The following MUSK variants were observed in gnomAD, a reference collection of about 807,000 sequenced individuals.
MUSK encodes the protein muscle, skeletal receptor tyrosine-protein kinase.
MUSK carries 55 observed loss-of-function variants against 88.7 expected under a neutral mutation model. The observed-to-expected ratio is 0.62, with a 90% CI of 0.50 to 0.78. The LOEUF (loss-of-function observed/expected upper bound fraction) is 0.78. MUSK is among the 30% of genes least tolerant of loss of function. The pLI is 0.00. For synonymous variants in MUSK, 387 were observed against 391.9 expected (o/e 0.99, Z 0.15); for missense variants, 1,015 against 1,074.3 (o/e 0.94, Z 0.77).
chr9:110,676,773 T>C (rs113679903), intron 1 of MUSK, among the ~76,000 whole-genome samples: 4,195 of 152,226 alleles, frequency 0.028, 195 homozygotes, highest in African/African-American at 0.096. Context: ...TGTATATGTA[T>C]CACATTTTCT....
chr9:110,714,401 T>C (rs1012301198), intron 5 of MUSK, among the ~76,000 whole-genome samples: 4 of 152,140 alleles, frequency 2.6e-5, no homozygotes, highest in Non-Finnish European at 4.4e-5. Flanking sequence ...TCCCACATCA[T>C]TGAGGCAGGC....
intron 14 of MUSK, among the ~76,000 whole-genome samples, chr9:110,798,556 C>G (rs1026564252): frequency 1.1e-4 from 17 of 152,140 alleles, no homozygotes; most frequent in African/African-American, 4.1e-4. Flanking sequence ...TATGCCCATC[C>G]ATCTATGCAT....
intron 5 of MUSK, chr9:110,728,663 T>C: frequency 6.7e-7 from 1 of 1,483,102 alleles, no homozygotes; most frequent in Non-Finnish European, 9.3e-7. Flanking sequence ...TGTGTGTGTT[T>C]GTTTTGTCTT....
intron 5 of MUSK, among the ~76,000 whole-genome samples, chr9:110,721,122 C>G (rs2076805664): frequency 6.6e-6 from 1 of 152,136 alleles, no homozygotes; most frequent in African/African-American, 2.4e-5. Context: ...GACAAACCCA[C>G]AGCCAACGTT....
At chr9:110,694,911 G>C (rs1291534511) in intron 3 of MUSK, among the ~76,000 whole-genome samples, 1 of 151,932 alleles carries the variant, frequency 6.6e-6, no homozygotes, top group Non-Finnish European at 1.5e-5. Flanking sequence ...ACTTTCTAGA[G>C]AATGAATGTA....
chr9:110,681,172 TA>T (rs2076131456), intron 1 of MUSK, among the ~76,000 whole-genome samples: 2 of 81,494 alleles, frequency 2.5e-5, no homozygotes, highest in Non-Finnish European at 4.8e-5. Context: ...AAAATTATTA[TA>T]ATATATATTA....
chr9:110,699,646 TGA>T (rs1173655169), intron 5 of MUSK, among the ~76,000 whole-genome samples: 1 of 151,974 alleles, frequency 6.6e-6, no homozygotes, highest in Non-Finnish European at 1.5e-5. Context: ...AAAAAGCAAC[TGA>T]GAAATGACTG....
intron 6 of MUSK, among the ~76,000 whole-genome samples, chr9:110,740,309 G>T (rs928124666): frequency 2.6e-5 from 4 of 152,046 alleles, no homozygotes; most frequent in African/African-American, 9.7e-5. Flanking sequence ...CAAGGTCAAG[G>T]TGCTATCAGG....
In MUSK at chr9:110,744,862, G is replaced by C. The variant is rs189878724; in HGVS notation, c.754-2779G>C. 2.6e-3 allele frequency among the ~76,000 whole-genome samples: 398 copies of C among 152,222 alleles called. 3 individuals carry two copies. Among genetic ancestry groups the C allele is most frequent in the Non-Finnish European group, 2.4e-3 (162 of 68,012 alleles). On this transcript the variant is annotated intron_variant, in intron 6 of 14. Coordinates refer to ENST00000374448, the MANE Select transcript of MUSK (RefSeq NM_005592.4). ...TCAATTAAGTAATCTGTTTTGCTTAGGCATACCTTGGTAAAAGCTCACAGT... is the reference window on the plus strand; with the variant it reads ...TCAATTAAGTAATCTGTTTTGCTTACGCATACCTTGGTAAAAGCTCACAGT...
chr9:110,762,092 TC>T, intron 7 of MUSK, 109 bp from the exon 8 acceptor site: 1 of 1,070,482 alleles, frequency 9.3e-7, no homozygotes, highest in Admixed American at 3.2e-5. Flanking sequence ...AACTTAGAGA[TC>T]AGTAGTATCA....
intron 6 of MUSK, among the ~76,000 whole-genome samples, chr9:110,745,895 A>C (rs1011533919): frequency 4.6e-5 from 7 of 152,234 alleles, no homozygotes; most frequent in Non-Finnish European, 7.3e-5. Context: ...CGTTCACTGC[A>C]TGATTGCTAC....
At chr9:110,704,008 A>T (rs1171747043) in intron 5 of MUSK, among the ~76,000 whole-genome samples, 1 of 152,266 alleles carries the variant, frequency 6.6e-6, no homozygotes, top group South Asian at 2.1e-4. Context: ...TTTATAAGGG[A>T]CAACAATTAG....
rs775738078 is a variant in MUSK, at chr9:110,801,038, A to G, written c.*50A>G. Reference sequence around the variant, plus strand: ...CTGCAGTTTCCTCTCAGACTCTGTGAGCCAGGGGAATCCTACACCAGAGGC... The same window carrying G: ...CTGCAGTTTCCTCTCAGACTCTGTGGGCCAGGGGAATCCTACACCAGAGGC... On this transcript the variant is annotated 3_prime_UTR_variant, in exon 15 of 15. Transcript: ENST00000374448. 46 of 1,438,756 alleles carry G rather than the reference A, an allele frequency of 3.2e-5. No homozygotes were observed. Among genetic ancestry groups the G allele is most frequent in the Admixed American group, 1.6e-4 (6 of 37,486 alleles). 89.1% of individuals were successfully genotyped at this position (1,438,756 alleles called of 1,614,324 possible).
At position 110,682,790 on chromosome 9, in the gene MUSK, A is replaced by T; in HGVS notation, c.196A>T (p.Ile66Phe). Residue 66 changes from isoleucine to phenylalanine, a missense_variant, in exon 2 of 15, where the codon ATT becomes TTT. Transcript: ENST00000374448. ...QPEISWTRNK[I>F]LIKLFDTRYS... ...TGAGATTTCCTGGACTAGAAATAAA[A>T]TTCTCATTAAGTAAGTATTCCACAT... 2 of 1,611,922 alleles carry T rather than the reference A, an allele frequency of 1.2e-6. No homozygotes were observed. Among genetic ancestry groups the T allele is most frequent in the Non-Finnish European group, 1.7e-6 (2 of 1,178,626 alleles).
At chr9:110,681,208 T>C (rs969329887) in intron 1 of MUSK, among the ~76,000 whole-genome samples, 1 of 126,396 alleles carries the variant, frequency 7.9e-6, no homozygotes, top group South Asian at 2.3e-4. Context: ...ATATATATTA[T>C]AATGATTATT....
chr9:110,703,545 T>C (rs1023595375), intron 5 of MUSK, among the ~76,000 whole-genome samples: 7 of 151,590 alleles, frequency 4.6e-5, no homozygotes, highest in African/African-American at 1.7e-4. Flanking sequence ...AAAAATTAAA[T>C]AAATAAATAA....
chr9:110,692,085 T>C (rs1172771582), intron 3 of MUSK, among the ~76,000 whole-genome samples: 1 of 152,124 alleles, frequency 6.6e-6, no homozygotes, highest in Admixed American at 6.6e-5. Flanking sequence ...ATATATTAGG[T>C]GTATTTTTAA....
chr9:110,759,799 A>G (rs2077373195), intron 7 of MUSK, among the ~76,000 whole-genome samples: 1 of 152,224 alleles, frequency 6.6e-6, no homozygotes, highest in Non-Finnish European at 1.5e-5. Flanking sequence ...TAGAGTGGCT[A>G]TTATTAAAAA....
At chr9:110,689,701 A>AT (rs2076271730) in intron 3 of MUSK, among the ~76,000 whole-genome samples, 1 of 48,036 alleles carries the variant, frequency 2.1e-5, no homozygotes, top group Non-Finnish European at 3.4e-5. Flanking sequence ...AGTTATATAT[A>AT]AATATATAAC....
Sources: allele counts gnomAD v4.1 joint callset (sites outside exome capture counted in the v4.1 genomes callset), GRCh38; gene constraint gnomAD v4.1.1; transcripts MANE v1.5; gene names NCBI Gene and HGNC (gene_info 2026-07-23, HGNC 2026-07-21).